Variants in GPD2 observed in about 807,000 individuals in gnomAD.
GPD2 encodes glycerol-3-phosphate dehydrogenase 2, also known as glycerol-3-phosphate dehydrogenase, mitochondrial.
A neutral mutation model predicts 82.4 loss-of-function variants in GPD2; 54 were observed. The ratio of observed to expected loss-of-function variants is 0.66; its 90% CI spans 0.53 to 0.82. GPD2 has a LOEUF of 0.82. Ranked by LOEUF, GPD2 falls within the 40% of genes least tolerant of loss-of-function variation. The probability of loss-of-function intolerance (pLI) is 0.00; values close to 1 mark genes in which losing one functional copy is unlikely to be tolerated. For synonymous variants in GPD2, 288 were observed against 306.1 expected (o/e 0.94, Z 0.62); for missense variants, 748 against 896.2 (o/e 0.83, Z 2.11).
intron 6 of GPD2, among the ~76,000 whole-genome samples, chr2:156,518,455 G>T (rs1685277116): frequency 6.6e-6 from 1 of 152,198 alleles, no homozygotes; most frequent in African/African-American, 2.4e-5. Flanking sequence ...GATGCAGTTA[G>T]CTGTATGCTT....
intron 9 of GPD2, among the ~76,000 whole-genome samples, chr2:156,568,223 G>T (rs569775297): frequency 1.3e-5 from 2 of 152,070 alleles, no homozygotes; most frequent in African/African-American, 4.8e-5. Flanking sequence ...TCTGTTTTCT[G>T]ATCTGTATGG....
intron 1 of GPD2, among the ~76,000 whole-genome samples, chr2:156,451,873 C>T (rs1682610222): frequency 6.6e-6 from 1 of 151,212 alleles, no homozygotes; most frequent in Admixed American, 6.6e-5. Context: ...CCTCACTTCT[C>T]AGACGGGGCG....
At chr2:156,500,893 C>G (rs571641338) in intron 3 of GPD2, among the ~76,000 whole-genome samples, 1 of 152,294 alleles carries the variant, frequency 6.6e-6, no homozygotes, top group South Asian at 2.1e-4. Flanking sequence ...TCCTGCAGGT[C>G]TCTAGGATCA....
At chr2:156,405,628 C>T in the GPD2 span, among the ~76,000 whole-genome samples, 2 of 152,112 alleles carry the variant, frequency 1.3e-5, no homozygotes, top group Non-Finnish European at 1.5e-5. Flanking sequence ...TGTTTCACAT[C>T]GGGAATGCTG....
At chr2:156,400,760 T>G in the GPD2 span, among the ~76,000 whole-genome samples, 1 of 152,252 alleles carries the variant, frequency 6.6e-6, no homozygotes, top group Non-Finnish European at 1.5e-5. Flanking sequence ...AGAAATATGC[T>G]TTCGGCTGGG....
chr2:156,467,769 ACCT>A (rs1440823902), intron 1 of GPD2, among the ~76,000 whole-genome samples: 1 of 152,014 alleles, frequency 6.6e-6, no homozygotes, highest in Non-Finnish European at 1.5e-5. Flanking sequence ...TACAGAATAG[ACCT>A]CCTCTCTGTT....
chr2:156,542,166 A>T (rs1431729899), intron 6 of GPD2, among the ~76,000 whole-genome samples: 4 of 152,162 alleles, frequency 2.6e-5, no homozygotes, highest in Non-Finnish European at 5.9e-5. Context: ...AAGACCACAG[A>T]TCCACCCCGA....
At chr2:156,507,899 TGGGCTTTGTC>T (rs1413309646) in intron 3 of GPD2, among the ~76,000 whole-genome samples, 1 of 152,160 alleles carries the variant, frequency 6.6e-6, no homozygotes, top group Non-Finnish European at 1.5e-5. Context: ...TTTCTTAAGC[TGGGCTTTGTC>T]GATGATCTTT....
intron 9 of GPD2, among the ~76,000 whole-genome samples, chr2:156,565,905 CAA>C (rs776221241): frequency 1.3e-5 from 2 of 152,014 alleles, no homozygotes; most frequent in Non-Finnish European, 2.9e-5. Flanking sequence ...ACTTTTTACA[CAA>C]AGAGTCTGCT....
intron 1 of GPD2, among the ~76,000 whole-genome samples, chr2:156,457,454 G>A (rs1159209405): frequency 6.6e-6 from 1 of 152,226 alleles, no homozygotes; most frequent in Non-Finnish European, 1.5e-5. Context: ...GGTAATCTGT[G>A]ACCCAGAAAT....
intron 1 of GPD2, among the ~76,000 whole-genome samples, chr2:156,446,128 G>A (rs767496751): frequency 1.3e-5 from 2 of 151,952 alleles, no homozygotes; most frequent in Admixed American, 6.6e-5. Context: ...GATGAGTCTC[G>A]CTCTGTTGCC....
intron 1 of GPD2, among the ~76,000 whole-genome samples, chr2:156,443,261 GCTTGTCTC>G (rs1682240289): frequency 6.6e-6 from 1 of 152,114 alleles, no homozygotes; most frequent in Non-Finnish European, 1.5e-5. Context: ...CCTTATAGAT[GCTTGTCTC>G]CTGTAATTAT....
intron 16 of GPD2, among the ~76,000 whole-genome samples, chr2:156,580,944 C>T (rs1301833390): frequency 6.6e-6 from 1 of 152,132 alleles, no homozygotes; most frequent in Non-Finnish European, 1.5e-5. Flanking sequence ...GTTGCCCTCA[C>T]AATGTTAGAA....
At chr2:156,435,375 C>T (rs1235132869), upstream of GPD2, 1 of 152,042 alleles carries the variant, frequency 6.6e-6, no homozygotes, top group African/African-American at 2.4e-5. Context: ...TCCTTAGGTC[C>T]CCTTGGGCTT....
At chr2:156,504,807 G>GA (rs1432781025) in intron 3 of GPD2, among the ~76,000 whole-genome samples, 1 of 151,826 alleles carries the variant, frequency 6.6e-6, no homozygotes, top group Non-Finnish European at 1.5e-5. Context: ...AGTGTTAAAT[G>GA]AAAAAAATTA....
chr2:156,546,407 T>C (rs1198151429), intron 6 of GPD2, among the ~76,000 whole-genome samples: 1 of 152,108 alleles, frequency 6.6e-6, no homozygotes, highest in Non-Finnish European at 1.5e-5. Flanking sequence ...CCTTTCAAAA[T>C]GTCAGGAAAG....
chr2:156,468,108 A>T (rs936161289), intron 1 of GPD2, among the ~76,000 whole-genome samples: 2 of 152,188 alleles, frequency 1.3e-5, no homozygotes, highest in African/African-American at 4.8e-5. Flanking sequence ...GAATTGTACA[A>T]AACATTTGTT....
chr2:156,506,325 A>G (rs1684785598), intron 3 of GPD2, among the ~76,000 whole-genome samples: 1 of 152,180 alleles, frequency 6.6e-6, no homozygotes, highest in African/African-American at 2.4e-5. Flanking sequence ...TCTGGTGGGT[A>G]ACTTGATAAT....
chr2:156,541,678 C>G (rs1232867219), intron 6 of GPD2, among the ~76,000 whole-genome samples: 8 of 152,160 alleles, frequency 5.3e-5, no homozygotes, highest in African/African-American at 1.4e-4. Context: ...GGAAGCTTAC[C>G]AGGGGTTTTT....
Sources: allele counts gnomAD v4.1 joint callset (sites outside exome capture counted in the v4.1 genomes callset), GRCh38; gene constraint gnomAD v4.1.1; transcripts MANE v1.5; gene names NCBI Gene and HGNC (gene_info 2026-07-23, HGNC 2026-07-21).